Variants in IL31RA observed in about 807,000 individuals in gnomAD.
The protein encoded by IL31RA is interleukin 31 receptor A.
In IL31RA, 66 loss-of-function variants were observed where a neutral mutation model predicts 83.7. The ratio of observed to expected loss-of-function variants is 0.79; its 90% CI spans 0.65 to 0.97. The LOEUF (loss-of-function observed/expected upper bound fraction) is 0.97. Ranked by LOEUF, IL31RA falls within the 50% of genes least tolerant of loss-of-function variation. The pLI is 0.00. For synonymous variants in IL31RA, 325 were observed against 329.0 expected (o/e 0.99, Z 0.13); for missense variants, 798 against 919.4 (o/e 0.87, Z 1.71).
At chr5:55,907,602 A>G in intron 10 of IL31RA, 142 bp downstream of exon 10, 1 of 695,748 alleles carries the variant, frequency 1.4e-6, no homozygotes, top group Non-Finnish European at 2.7e-6. Flanking sequence ...TCTGTATGTT[A>G]TGAATTTGCT....
intron 4 of IL31RA, among the ~76,000 whole-genome samples, chr5:55,873,642 A>T (rs1356695313): frequency 1.3e-5 from 2 of 152,130 alleles, no homozygotes; most frequent in East Asian, 3.9e-4. Flanking sequence ...ATTTGCATTT[A>T]TCCAATGTCT....
At chr5:55,850,771 T>G (rs1427706765), upstream of IL31RA, among the ~76,000 whole-genome samples, 1 of 152,180 alleles carries the variant, frequency 6.6e-6, no homozygotes, top group Non-Finnish European at 1.5e-5. Flanking sequence ...GGCAATTATG[T>G]TCAATAAAAT....
intron 4 of IL31RA, 125 bp downstream of exon 4, chr5:55,872,576 G>A: frequency 4.1e-6 from 1 of 241,270 alleles, no homozygotes; most frequent in African/African-American, 2.7e-5. Flanking sequence ...TGGGTATACA[G>A]AAAATTCATC....
chr5:55,869,544 G>A (rs1035135797), intron 3 of IL31RA, among the ~76,000 whole-genome samples: 2 of 152,090 alleles, frequency 1.3e-5, no homozygotes, highest in African/African-American at 4.8e-5. Context: ...TGTGATCTCA[G>A]CTCACTACAA....
At chr5:55,898,498 T>G (rs1331101261) in intron 7 of IL31RA, among the ~76,000 whole-genome samples, 1 of 152,040 alleles carries the variant, frequency 6.6e-6, no homozygotes, top group African/African-American at 2.4e-5. Flanking sequence ...GAATGTGAAT[T>G]GTATCTCAAT....
At chr5:55,859,450 A>G in intron 1 of IL31RA, 59 bp from the exon 2 acceptor site, 2 of 1,218,398 alleles carry the variant, frequency 1.6e-6, no homozygotes, top group Non-Finnish European at 2.4e-6. Flanking sequence ...TGCCATTGGA[A>G]ATAGAGCTTT....
rs530493697 is a variant in IL31RA, at chr5:55,886,828, T to A, written c.607-3142T>A. Reference sequence around the variant, plus strand: ...GTGCCTTTCCTAGAACACCCTCTGCTTTTGCACCTCTCCTGCCCCAATCTC... The same window carrying A: ...GTGCCTTTCCTAGAACACCCTCTGCATTTGCACCTCTCCTGCCCCAATCTC... On this transcript the variant is annotated intron_variant, in intron 5 of 14. Transcript: ENST00000652347. 7.9e-5 allele frequency among the ~76,000 whole-genome samples: 12 copies of A among 152,320 alleles called. No homozygotes were observed. In the South Asian group the frequency reaches 2.5e-3, roughly 32 times the overall value.
chr5:55,871,331 C>G (rs184586038), intron 3 of IL31RA, among the ~76,000 whole-genome samples: 202 of 152,294 alleles, frequency 1.3e-3, no homozygotes, highest in African/African-American at 4.4e-3. Context: ...CTATGTCTCC[C>G]TGTATGTATT....
chr5:55,859,431 G>C (rs1446911981), intron 1 of IL31RA, 78 bp from the exon 2 acceptor site: 2 of 1,018,614 alleles, frequency 2.0e-6, no homozygotes, highest in East Asian at 4.7e-5. Context: ...AAAATCCCCA[G>C]AATCTATTTG....
At chr5:55,854,357 A>G (rs564192688) in intron 1 of IL31RA, among the ~76,000 whole-genome samples, 2 of 152,350 alleles carry the variant, frequency 1.3e-5, no homozygotes, top group South Asian at 4.1e-4. Flanking sequence ...TCATTATTTT[A>G]TTAGGCTGAA....
chr5:55,908,515 A>G lies in IL31RA; in HGVS notation c.1501+104A>G, dbSNP rs1223599622. On this transcript the variant is annotated intron_variant, in intron 11 of 14. Transcript: ENST00000652347. Reference sequence around the variant, plus strand: ...CTCCCCCATCTCATTGTGACTTGCAACCTGGCATGAATCACTTAGCTTCTT... The same window carrying G: ...CTCCCCCATCTCATTGTGACTTGCAGCCTGGCATGAATCACTTAGCTTCTT... 4.4e-6 allele frequency: 7 copies of G among 1,608,316 alleles called. No homozygotes were observed. In the African/African-American group the frequency reaches 6.7e-5, roughly 15 times the overall value.
chr5:55,872,185 A>G, intron 3 of IL31RA, 85 bp from the exon 4 acceptor site: 1 of 1,032,604 alleles, frequency 9.7e-7, no homozygotes. Context: ...AGAAAAACTA[A>G]CAAATTACTG....
intron 4 of IL31RA, among the ~76,000 whole-genome samples, chr5:55,875,943 AT>A (rs536967107): frequency 3.4e-4 from 51 of 152,148 alleles, no homozygotes; most frequent in African/African-American, 1.2e-3. Flanking sequence ...AAGTACTAAG[AT>A]TTTTTTTAAT....
upstream of IL31RA, among the ~76,000 whole-genome samples, chr5:55,847,191 C>A (rs1744944518): frequency 7.1e-6 from 1 of 140,296 alleles, no homozygotes. Context: ...TGTGGTGAGC[C>A]GAGATCATGC....
intron 10 of IL31RA, 138 bp from the exon 11 acceptor site, chr5:55,908,127 T>C: frequency 8.5e-7 from 1 of 1,176,074 alleles, no homozygotes; most frequent in South Asian, 1.3e-5. Flanking sequence ...ACAAGCTGAT[T>C]CATCAATTCC....
the IL31RA span, among the ~76,000 whole-genome samples, chr5:55,843,988 A>C: frequency 6.6e-6 from 1 of 151,380 alleles, no homozygotes; most frequent in African/African-American, 2.4e-5. Flanking sequence ...TAATTCATGA[A>C]TTTTTTTTTA....
Position 55,921,550 on chromosome 5 carries a change from C to T in IL31RA, c.*4430C>T, listed in dbSNP as rs1750090105. Among the ~76,000 whole-genome samples the T allele has an allele frequency of 6.6e-6, 1 of 152,236 alleles. No homozygotes were observed. Among genetic ancestry groups the T allele is most frequent in the Non-Finnish European group, 1.5e-5 (1 of 68,048 alleles). On this transcript the variant is annotated 3_prime_UTR_variant, in exon 15 of 15. Coordinates refer to ENST00000652347, the MANE Select transcript of IL31RA (RefSeq NM_139017.7). Reference sequence around the variant, plus strand: ...GCTGGTCAGAATTTTATGGTTGTCACATTTTGCGTGACTGTGTCCCATCAA... The same window carrying T: ...GCTGGTCAGAATTTTATGGTTGTCATATTTTGCGTGACTGTGTCCCATCAA...
At chr5:55,846,011 T>C in the IL31RA span, among the ~76,000 whole-genome samples, 3 of 152,214 alleles carry the variant, frequency 2.0e-5, no homozygotes, top group Non-Finnish European at 4.4e-5. Flanking sequence ...TTTTTGACTC[T>C]TATACTTGTC....
rs963337388 is a variant in IL31RA at position 55,887,748 on chromosome 5, G to A, written c.607-2222G>A. On this transcript the variant is annotated intron_variant, in intron 5 of 14. Transcript: ENST00000652347. ...AAAATACAAAAAATTAGCCGGGCGT[G>A]TTGGCAGGCACCTGTAGTCCCAGCT... 2.6e-5 allele frequency among the ~76,000 whole-genome samples: 4 copies of A among 152,106 alleles called. No homozygotes were observed. In the East Asian group the frequency reaches 5.8e-4, roughly 22 times the overall value.
Sources: allele counts gnomAD v4.1 joint callset (sites outside exome capture counted in the v4.1 genomes callset), GRCh38; gene constraint gnomAD v4.1.1; transcripts MANE v1.5; gene names NCBI Gene and HGNC (gene_info 2026-07-23, HGNC 2026-07-21).